The following DST variants were observed in gnomAD, a reference collection of about 807,000 sequenced individuals.
The protein encoded by DST is bullous pemphigoid antigen.
Under a neutral mutation model 875.2 loss-of-function variants are expected in DST, and 253 were observed. The ratio of observed to expected loss-of-function variants is 0.29; its 90% CI spans 0.26 to 0.32. The LOEUF is 0.32. Ranked by LOEUF, DST falls within the 10% of genes least tolerant of loss-of-function variation. The probability of loss-of-function intolerance (pLI) is 1.00; values close to 1 mark genes in which losing one functional copy is unlikely to be tolerated. For synonymous variants in DST, 3,124 were observed against 3,197.1 expected (o/e 0.98, Z 0.77); for missense variants, 8,287 against 9,111.6 (o/e 0.91, Z 3.68).
At chr6:56,571,462 G>A (rs1220288958) in intron 53 of DST, among the ~76,000 whole-genome samples, 1 of 152,166 alleles carries the variant, frequency 6.6e-6, no homozygotes, top group African/African-American at 2.4e-5. Flanking sequence ...GTAGTTGGAA[G>A]AGAAATGACT....
intron 4 of DST, among the ~76,000 whole-genome samples, chr6:56,837,145 T>G (rs893957003): frequency 6.6e-6 from 1 of 152,192 alleles, no homozygotes; most frequent in South Asian, 2.1e-4. Context: ...CACTACTTGC[T>G]GTATTTCCAA....
rs770004216 is a variant in DST at position 56,468,962 on chromosome 6, T to C, written c.22569+20A>G. 3.2e-6 allele frequency: 5 copies of C among 1,566,896 alleles called. No homozygotes were observed. The highest frequency in any genetic ancestry group is 4.3e-6 in the Non-Finnish European group (5 of 1,153,556). ...AAAAAAATCATCAGGAACTTGAGAA[T>C]ACATTCCACTGGTTTATACCTGATT... On this transcript the variant is annotated intron_variant, in intron 98 of 103. Transcript: ENST00000680361.
chr6:56,487,930 T>C (rs1418744104), intron 86 of DST, among the ~76,000 whole-genome samples: 3 of 152,224 alleles, frequency 2.0e-5, no homozygotes, highest in African/African-American at 7.2e-5. Flanking sequence ...GATAGTAAAA[T>C]GCTATGCAAA....
chr6:56,913,218 C>T (rs901489713), intron 2 of DST, among the ~76,000 whole-genome samples: 9 of 152,218 alleles, frequency 5.9e-5, no homozygotes, highest in Non-Finnish European at 1.3e-4. Context: ...TTCTACTTAT[C>T]AAGCATTTCC....
intron 2 of DST, among the ~76,000 whole-genome samples, chr6:56,902,834 A>C (rs966870291): frequency 2.6e-5 from 4 of 152,146 alleles, no homozygotes; most frequent in African/African-American, 9.7e-5. Context: ...GGCAGTTTAG[A>C]CCACACACAT....
chr6:56,678,352 C>T (rs2099140721), intron 9 of DST, among the ~76,000 whole-genome samples: 1 of 152,216 alleles, frequency 6.6e-6, no homozygotes, highest in Admixed American at 6.5e-5. Context: ...CTTTCCTTTG[C>T]TAATTCTAGC....
At chr6:56,642,967 A>G in intron 15 of DST, 1 of 1,389,870 alleles carries the variant, frequency 7.2e-7, no homozygotes, top group East Asian at 2.5e-5. Context: ...TATGCTGATA[A>G]CTATTCAAAA....
At chr6:56,843,101 C>T in intron 4 of DST, 1 of 1,572,504 alleles carries the variant, frequency 6.4e-7, no homozygotes, top group Non-Finnish European at 8.7e-7. Context: ...GATACTCCTG[C>T]TCCTCCACGT....
At chr6:56,569,373 T>TC (rs1554381418) in intron 54 of DST, among the ~76,000 whole-genome samples, 7 of 139,364 alleles carry the variant, frequency 5.0e-5, no homozygotes, top group African/African-American at 1.9e-4. Context: ...AAATTTGGAA[T>TC]GGGGGAAAAA....
intron 36 of DST, chr6:56,615,893 GTGATT>G: frequency 2.5e-6 from 4 of 1,614,180 alleles, no homozygotes; most frequent in Non-Finnish European, 3.4e-6. Context: ...GCCAATCCCT[GTGATT>G]ACTAATTCAC....
At chr6:56,463,444 G>C (rs1410455826) in intron 101 of DST, 121 bp downstream of exon 101, 3 of 976,012 alleles carry the variant, frequency 3.1e-6, no homozygotes, top group Non-Finnish European at 4.4e-6. Context: ...CACAGTATGA[G>C]AAGGTGCACA....
rs1294281989 is a variant in DST, at chr6:56,871,329, T to C, written c.418-19725A>G. On this transcript the variant is annotated intron_variant, in intron 3 of 103. Transcript: ENST00000680361. ...TATGCATATACGAAAAGCCACGAAG[T>C]ATCTGAAAGATGTCACTTTACAGAA... The C allele has an allele frequency of 1.1e-5, 10 of 930,464 alleles. No homozygotes were observed. In the East Asian group the frequency reaches 1.2e-4, roughly 11 times the overall value. 57.6% of individuals were successfully genotyped at this position (930,464 alleles called of 1,614,324 possible).
chr6:56,934,054 T>C (rs1374457797), intron 2 of DST, among the ~76,000 whole-genome samples: 3 of 152,042 alleles, frequency 2.0e-5, no homozygotes, highest in Non-Finnish European at 2.9e-5. Context: ...TTTTTAGAGA[T>C]GGGGATCTCA....
chr6:56,878,694 T>C (rs1379613869), intron 3 of DST, among the ~76,000 whole-genome samples: 1 of 152,166 alleles, frequency 6.6e-6, no homozygotes, highest in Non-Finnish European at 1.5e-5. Context: ...ACTAGGCCCT[T>C]GTCCCCTAAT....
At chr6:56,579,909 A>G (rs1368496352) in intron 49 of DST, among the ~76,000 whole-genome samples, 4 of 152,202 alleles carry the variant, frequency 2.6e-5, no homozygotes, top group African/African-American at 7.2e-5. Flanking sequence ...GAAAAGTCCA[A>G]TGGAAACGAA....
intron 4 of DST, among the ~76,000 whole-genome samples, chr6:56,782,213 G>C (rs2099695546): frequency 6.6e-6 from 1 of 152,130 alleles, no homozygotes; most frequent in African/African-American, 2.4e-5. Flanking sequence ...GCCCGGCTTT[G>C]GGATCAGGAT....
chr6:56,936,627 G>A (rs999477805), intron 2 of DST, among the ~76,000 whole-genome samples: 1 of 151,830 alleles, frequency 6.6e-6, no homozygotes, highest in Non-Finnish European at 1.5e-5. Flanking sequence ...ATTCCTTTAC[G>A]TTTGGTTTTT....
At chr6:56,462,677 C>T (rs1208003684) in intron 102 of DST, among the ~76,000 whole-genome samples, 2 of 152,076 alleles carry the variant, frequency 1.3e-5, no homozygotes, top group Non-Finnish European at 2.9e-5. Flanking sequence ...ACTTCTTGCC[C>T]ATATTATATC....
At chr6:56,735,346 T>A (rs1367796249) in intron 4 of DST, 57 bp from the exon 5 acceptor site, 4 of 961,150 alleles carry the variant, frequency 4.2e-6, no homozygotes, top group East Asian at 2.6e-5. Flanking sequence ...AATAGATGAC[T>A]TTGTGATCAT....
Sources: allele counts gnomAD v4.1 joint callset (sites outside exome capture counted in the v4.1 genomes callset), GRCh38; gene constraint gnomAD v4.1.1; transcripts MANE v1.5; gene names NCBI Gene and HGNC (gene_info 2026-07-23, HGNC 2026-07-21).